Variants in RERG observed in about 807,000 individuals in gnomAD.
RERG encodes the protein RAS like estrogen regulated growth inhibitor.
RERG carries 25 observed loss-of-function variants against 23.2 expected under a neutral mutation model. The ratio of observed to expected loss-of-function variants is 1.08; its 90% confidence interval spans 0.79 to 1.50. The LOEUF (loss-of-function observed/expected upper bound fraction) is 1.50, where lower values mean the gene tolerates loss of function less well. Ranked by LOEUF, RERG falls within the 40% of genes most tolerant of loss-of-function variation. The probability of loss-of-function intolerance (pLI) is 0.00; values close to 1 mark genes in which losing one functional copy is unlikely to be tolerated. For missense variants in RERG, 253 were observed against 250.1 expected (o/e 1.01, Z -0.08); for synonymous variants, 81 against 89.1 (o/e 0.91, Z 0.51).
intron 2 of RERG, among the ~76,000 whole-genome samples, chr12:15,124,774 T>G (rs1863906378): frequency 1.3e-5 from 2 of 151,966 alleles, no homozygotes; most frequent in South Asian, 4.1e-4. Flanking sequence ...TTTATGGGAC[T>G]GTGGTGAGTT....
intron 2 of RERG, among the ~76,000 whole-genome samples, chr12:15,161,739 T>C (rs1864618622): frequency 6.6e-6 from 1 of 152,124 alleles, no homozygotes; most frequent in South Asian, 2.1e-4. Context: ...GGTAAAGATA[T>C]ATAACTAAGG....
intron 2 of RERG, among the ~76,000 whole-genome samples, chr12:15,140,090 T>C (rs1864211286): frequency 1.3e-5 from 2 of 152,210 alleles, no homozygotes; most frequent in African/African-American, 2.4e-5. Context: ...AAAGGTGTTA[T>C]GAACTGAATG....
intron 2 of RERG, among the ~76,000 whole-genome samples, chr12:15,199,319 C>G (rs1339569239): frequency 2.6e-5 from 4 of 152,072 alleles, no homozygotes; most frequent in Non-Finnish European, 5.9e-5. Flanking sequence ...TCAAATGTTT[C>G]CATTTGATTA....
At chr12:15,125,390 A>G (rs1863920135) in intron 2 of RERG, among the ~76,000 whole-genome samples, 1 of 152,068 alleles carries the variant, frequency 6.6e-6, no homozygotes, top group Admixed American at 6.5e-5. Context: ...ATAAATTATA[A>G]TAAACTTACG....
At position 15,111,375 on chromosome 12, in the gene RERG, A is replaced by T. The variant is rs752626702; in HGVS notation, c.161T>A (p.Val54Asp). Residue 54 changes from valine to aspartate, a missense_variant, in exon 4 of 5, where the codon GTT (valine) becomes GAT (aspartate). By Grantham distance (152) the Val-to-Asp change is radical (BLOSUM62 -3). Coordinates refer to ENST00000256953, the MANE Select transcript of RERG (RefSeq NM_032918.3). Reference protein sequence around the residue: ...RHQATIDDEVVSMEILDTAGQ... With the variant: ...RHQATIDDEVDSMEILDTAGQ... ...AGCAGTGTCTAGTATCTCCATGGAAACAACTTCATCATCGATGGTTGCTTG... is the reference window on the plus strand; with the variant it reads ...AGCAGTGTCTAGTATCTCCATGGAATCAACTTCATCATCGATGGTTGCTTG... 1 of 1,613,470 alleles carries T rather than the reference A, an allele frequency of 6.2e-7. No homozygotes were observed. The highest frequency in any genetic ancestry group is 1.1e-5 in the South Asian group (1 of 90,970).
chr12:15,153,269 T>C (rs1390176661), intron 2 of RERG, among the ~76,000 whole-genome samples: 2 of 152,180 alleles, frequency 1.3e-5, no homozygotes, highest in African/African-American at 2.4e-5. Context: ...ATTTTAAATG[T>C]GATAACAATT....
intron 2 of RERG, among the ~76,000 whole-genome samples, chr12:15,166,300 C>T (rs976472): frequency 0.33 from 50,113 of 152,062 alleles, 8,619 homozygotes; most frequent in Admixed American, 0.4. Flanking sequence ...TTGCAAGATT[C>T]TTTAGAACTA....
intron 2 of RERG, among the ~76,000 whole-genome samples, chr12:15,143,348 ATGTG>A (rs552457094): frequency 0.035 from 677 of 19,306 alleles, 4 homozygotes; most frequent in African/African-American, 0.1. Flanking sequence ...ACATACACAC[ATGTG>A]TGTATGTACA....
intron 2 of RERG, among the ~76,000 whole-genome samples, chr12:15,192,926 T>C (rs1012203428): frequency 6.6e-6 from 1 of 152,216 alleles, no homozygotes; most frequent in African/African-American, 2.4e-5. Context: ...CATATAATCA[T>C]GTCAGTATGT....
intron 2 of RERG, among the ~76,000 whole-genome samples, chr12:15,195,551 CTGTGTG>C (rs71042238): frequency 0.056 from 7,220 of 128,224 alleles, 192 homozygotes; most frequent in African/African-American, 0.067. Flanking sequence ...GCAAGCTTGG[CTGTGTG>C]TGTGTGTGTG....
intron 2 of RERG, chr12:15,138,039 T>A (rs1864174192): frequency 3.5e-6 from 1 of 289,842 alleles, no homozygotes. Flanking sequence ...GGTATAGAAT[T>A]CTAGGTCGGT....
chr12:15,172,921 G>A (rs1210471688), intron 2 of RERG, among the ~76,000 whole-genome samples: 3 of 151,956 alleles, frequency 2.0e-5, no homozygotes. Flanking sequence ...CTTCCATTCA[G>A]TGAGTTTTTC....
At chr12:15,134,807 C>T (rs992629440) in intron 2 of RERG, among the ~76,000 whole-genome samples, 1 of 152,036 alleles carries the variant, frequency 6.6e-6, no homozygotes, top group Non-Finnish European at 1.5e-5. Context: ...GATGGAGTTT[C>T]ACCATGTTGG....
chr12:15,212,007 C>T lies in RERG; in HGVS notation c.61+5422G>A, dbSNP rs377286080. On this transcript the variant is annotated intron_variant, in intron 2 of 4. Transcript: ENST00000256953. Reference sequence around the variant, plus strand: ...CTTATATCTGTGGTCCTCAAGTGGACCTGAAACCTATGTGATATTAGAGCC... The same window carrying T: ...CTTATATCTGTGGTCCTCAAGTGGATCTGAAACCTATGTGATATTAGAGCC... Among the ~76,000 whole-genome samples the T allele has an allele frequency of 3.0e-4, 44 of 147,858 alleles. 1 individual carries two copies. In the South Asian group the frequency reaches 9.0e-3, roughly 30 times the overall value.
At chr12:15,199,537 T>C (rs1239909686) in intron 2 of RERG, among the ~76,000 whole-genome samples, 1 of 152,136 alleles carries the variant, frequency 6.6e-6, no homozygotes, top group East Asian at 1.9e-4. Flanking sequence ...AGGAAAAAGC[T>C]AAACATAAGA....
intron 3 of RERG, among the ~76,000 whole-genome samples, chr12:15,117,955 T>C (rs7300025): frequency 0.67 from 101,172 of 152,004 alleles, 33,774 homozygotes; most frequent in Admixed American, 0.74. Flanking sequence ...CATAGACATC[T>C]GTGTGCTGGC....
intron 2 of RERG, among the ~76,000 whole-genome samples, chr12:15,198,334 T>C (rs1865172390): frequency 6.6e-6 from 1 of 152,084 alleles, no homozygotes; most frequent in Non-Finnish European, 1.5e-5. Context: ...AATTTGGAAA[T>C]TAACCAGCTA....
chr12:15,144,325 C>T (rs900796030), intron 2 of RERG, among the ~76,000 whole-genome samples: 3 of 152,196 alleles, frequency 2.0e-5, no homozygotes, highest in Non-Finnish European at 2.9e-5. Flanking sequence ...GAAAGAGATA[C>T]AAATTTGCAA....
chr12:15,204,711 T>G (rs932897753), intron 2 of RERG, among the ~76,000 whole-genome samples: 1 of 151,914 alleles, frequency 6.6e-6, no homozygotes, highest in East Asian at 1.9e-4. Flanking sequence ...CATTGACTCC[T>G]ATAGCATTTA....
Sources: gnomAD v4.1 joint callset for allele counts (sites outside exome capture counted in the v4.1 genomes callset) on GRCh38, gnomAD v4.1.1 for gene constraint, MANE v1.5 for transcripts, NCBI Gene and HGNC (gene_info 2026-07-23, HGNC 2026-07-21) for gene names.